ST3GAL3: variants seen among roughly 807,000 people sequenced by gnomAD.
ST3GAL3 encodes the protein CMP-N-acetylneuraminate-beta-1,4-galactoside alpha-2,3-sialyltransferase.
In ST3GAL3, 21 loss-of-function variants were observed where a neutral mutation model predicts 50.1. The observed-to-expected ratio is 0.42, with a 90% confidence interval of 0.30 to 0.60. The LOEUF (loss-of-function observed/expected upper bound fraction) is 0.60. ST3GAL3 is among the 20% of genes least tolerant of loss of function. The pLI, the probability that ST3GAL3 is intolerant of heterozygous loss-of-function variation, is 0.19. For synonymous variants in ST3GAL3, 183 were observed against 190.0 expected (o/e 0.96, Z 0.30); for missense variants, 353 against 489.4 (o/e 0.72, Z 2.63).
intron 9 of ST3GAL3, among the ~76,000 whole-genome samples, chr1:43,905,862 C>T (rs1419392007): frequency 2.9e-5 from 4 of 139,918 alleles, no homozygotes; most frequent in Non-Finnish European, 6.2e-5. Context: ...TCCTCTTCCT[C>T]CCCATCCTCC....
At position 43,778,388 on chromosome 1, in the gene ST3GAL3, C is replaced by G. The variant is rs973241753; in HGVS notation, c.119-13714C>G. Among the ~76,000 whole-genome samples, 3 of 152,154 alleles carry G rather than the reference C, an allele frequency of 2.0e-5. No homozygotes were observed. In the East Asian group the frequency reaches 5.8e-4, roughly 29 times the overall value. On this transcript the variant is annotated intron_variant, in intron 2 of 11. Transcript: ENST00000347631. ...GGCACACATTTACCTCTTTAACAAACCTGCACAACCTGCAGATGTACCCCA... is the reference window on the plus strand; with the variant it reads ...GGCACACATTTACCTCTTTAACAAAGCTGCACAACCTGCAGATGTACCCCA...
intron 11 of ST3GAL3, among the ~76,000 whole-genome samples, chr1:43,925,102 T>C (rs2083681249): frequency 6.6e-6 from 1 of 151,844 alleles, no homozygotes; most frequent in Admixed American, 6.6e-5. Flanking sequence ...CCAGCCTGGC[T>C]AACATGGTGA....
chr1:43,911,614 C>CATATCTGTAGCTAT (rs2080894780), intron 9 of ST3GAL3, among the ~76,000 whole-genome samples: 1 of 129,084 alleles, frequency 7.7e-6, no homozygotes, highest in Non-Finnish European at 1.6e-5. Flanking sequence ...TAGATATCTA[C>CATATCTGTAGCTAT]AGATATATCT....
At chr1:43,824,305 T>A (rs1446660815) in intron 4 of ST3GAL3, among the ~76,000 whole-genome samples, 1 of 151,900 alleles carries the variant, frequency 6.6e-6, no homozygotes, top group East Asian at 1.9e-4. Flanking sequence ...GACTGTCACT[T>A]GAAGAACTTC....
At chr1:43,920,303 C>T in intron 9 of ST3GAL3, 101 bp from the exon 10 acceptor site, 1 of 1,498,118 alleles carries the variant, frequency 6.7e-7, no homozygotes, top group Non-Finnish European at 9.3e-7. Flanking sequence ...TTAAACGCCT[C>T]ATGCTCCCGC....
At chr1:43,917,625 T>TATAATATAATATATA in intron 9 of ST3GAL3, among the ~76,000 whole-genome samples, 1 of 68,150 alleles carries the variant, frequency 1.5e-5, no homozygotes, top group Middle Eastern at 6.1e-3. Context: ...TATTATATTA[T>TATAATATAATATATA]ATATAATATA....
chr1:43,900,210 G>T (rs891077823), intron 9 of ST3GAL3, among the ~76,000 whole-genome samples: 4 of 152,188 alleles, frequency 2.6e-5, no homozygotes, highest in Non-Finnish European at 5.9e-5. Context: ...CCTGGGTTCT[G>T]CAGGGACAGC....
Position 43,920,885 on chromosome 1 carries a change from C to G in ST3GAL3, c.995C>G (p.Pro332Arg), listed in dbSNP as rs976240200. The change falls in exon 11 of 12, where the codon CCC becomes CGC. Residue 332 changes from proline (P) to arginine (R), a missense_variant. Physicochemically the swap from Pro to Arg is moderately radical, Grantham distance 103. Transcript: ENST00000347631. ...FGYDMSTPNA[P>R]LHYYETVRMA... ...TATGACATGAGCACACCCAACGCAC[C>G]CCTGCACTACTATGAGACCGTTCGC... The G allele has an allele frequency of 1.9e-5, 31 of 1,614,106 alleles. No homozygotes were observed. The highest frequency in any genetic ancestry group is 2.6e-5 in the Non-Finnish European group (31 of 1,179,996).
chr1:43,918,686 T>C (rs1471071753), intron 9 of ST3GAL3, among the ~76,000 whole-genome samples: 1 of 152,194 alleles, frequency 6.6e-6, no homozygotes, highest in Non-Finnish European at 1.5e-5. Flanking sequence ...GTTTACCTGA[T>C]AAATCTTTTG....
chr1:43,847,880 C>G (rs2066516139), intron 5 of ST3GAL3, among the ~76,000 whole-genome samples: 1 of 152,008 alleles, frequency 6.6e-6, no homozygotes, highest in Non-Finnish European at 1.5e-5. Context: ...TACTGTTGGT[C>G]TTTCTTCCTT....
intron 2 of ST3GAL3, 111 bp downstream of exon 2, chr1:43,736,491 T>G: frequency 6.3e-7 from 1 of 1,593,880 alleles, no homozygotes; most frequent in Non-Finnish European, 8.6e-7. Context: ...GAGAGTAAAC[T>G]GAACATTTCT....
intron 2 of ST3GAL3, among the ~76,000 whole-genome samples, chr1:43,774,124 G>C (rs1696312140): frequency 6.6e-6 from 1 of 152,084 alleles, no homozygotes; most frequent in African/African-American, 2.4e-5. Flanking sequence ...TTCAAACACA[G>C]ATATATAAGG....
At chr1:43,823,435 T>A (rs1434425528) in intron 4 of ST3GAL3, among the ~76,000 whole-genome samples, 1 of 152,184 alleles carries the variant, frequency 6.6e-6, no homozygotes, top group Non-Finnish European at 1.5e-5. Flanking sequence ...CATTCCCTTG[T>A]CTGGAACACT....
intron 5 of ST3GAL3, chr1:43,851,215 G>C: frequency 6.6e-7 from 1 of 1,515,862 alleles, no homozygotes; most frequent in Non-Finnish European, 9.2e-7. Context: ...CAGTGTCTGG[G>C]TTCACCTTAT....
In ST3GAL3 at chr1:43,835,590, G is replaced by A. The variant is rs532971211; in HGVS notation, c.210-2629G>A. ...CAGCTCCCTCTCCATTGTAGATGAC[G>A]TGATCCTGTGCCCCCTGGACTGTCC... On this transcript the variant is annotated intron_variant, in intron 4 of 11. Transcript: ENST00000347631. 5.9e-5 allele frequency among the ~76,000 whole-genome samples: 9 copies of A among 152,082 alleles called. No homozygotes were observed. In the East Asian group the frequency reaches 1.2e-3, roughly 20 times the overall value.
rs141051555 is a variant in ST3GAL3 at position 43,708,798 on chromosome 1, G to A, written c.-31+1105G>A. Among the ~76,000 whole-genome samples, 508 of 152,254 alleles carry A rather than the reference G, an allele frequency of 3.3e-3. 5 individuals carry two copies. The highest frequency in any genetic ancestry group is 0.012 in the African/African-American group (491 of 41,542). On this transcript the variant is annotated intron_variant, in intron 1 of 11. Transcript: ENST00000347631. The stretch of plus-strand genomic sequence containing the variant: ...GGTTTAATAAAAATAAAATGTTAAC[G>A]ATGAAACAAGACATTCATGTTCTCA...
intron 1 of ST3GAL3, among the ~76,000 whole-genome samples, chr1:43,733,640 G>C (rs1676912739): frequency 6.6e-6 from 1 of 152,154 alleles, no homozygotes; most frequent in Non-Finnish European, 1.5e-5. Context: ...TGGCAAGGCA[G>C]ATTCTCATCC....
At chr1:43,895,205 T>C (rs1020350809) in intron 6 of ST3GAL3, among the ~76,000 whole-genome samples, 3 of 152,088 alleles carry the variant, frequency 2.0e-5, no homozygotes, top group African/African-American at 7.2e-5. Context: ...TATCAGCCCA[T>C]CCTGATATTT....
intron 5 of ST3GAL3, among the ~76,000 whole-genome samples, chr1:43,858,743 CTG>C (rs2069137262): frequency 6.6e-6 from 1 of 152,178 alleles, no homozygotes; most frequent in South Asian, 2.1e-4. Context: ...ACCTTCAGGA[CTG>C]TGTCCTGCTT....
Sources: gnomAD v4.1 joint callset for allele counts (sites outside exome capture counted in the v4.1 genomes callset) on GRCh38, gnomAD v4.1.1 for gene constraint, MANE v1.5 for transcripts, NCBI Gene and HGNC (gene_info 2026-07-23, HGNC 2026-07-21) for gene names.